TMEM201: variants seen among roughly 807,000 people sequenced by gnomAD.
The protein encoded by TMEM201 is RP13-15M17.2.
A neutral mutation model predicts 63.4 loss-of-function variants in TMEM201; 26 were observed. The observed-to-expected ratio is 0.41, with a 90% CI of 0.30 to 0.57. The LOEUF is 0.57. Among genes scored for constraint, TMEM201 ranks in the 20% least tolerant of loss-of-function variants. The pLI is 0.29. For synonymous variants in TMEM201, 417 were observed against 421.6 expected (o/e 0.99, Z 0.14); for missense variants, 794 against 917.7 (o/e 0.87, Z 1.74).
chr1:9,591,314 A>G (rs1643915104), intron 1 of TMEM201, among the ~76,000 whole-genome samples: 1 of 152,196 alleles, frequency 6.6e-6, no homozygotes, highest in South Asian at 2.1e-4. Context: ...GCCCCACATC[A>G]CCCGGCTGTT....
At position 9,602,173 on chromosome 1, in the gene TMEM201, C is replaced by A. The variant is rs1393557414; in HGVS notation, c.1061C>A (p.Thr354Lys). The A allele has an allele frequency of 6.2e-7, 1 of 1,613,210 alleles. No individual in the cohort carries two copies. Among genetic ancestry groups the A allele is most frequent in the South Asian group, 1.1e-5 (1 of 91,088 alleles). ...GCCGCCTCGCCTAGCTGGCTAGACA[C>A]GCTCAAGTTCAGCACCACATCTTTG... is the stretch of plus-strand genomic sequence containing the variant. ...LQAASPSWLD[T>K]LKFSTTSLCC... The change falls in exon 6 of 11, where the codon ACG becomes AAG. Residue 354 changes from threonine to lysine, a missense_variant. Physicochemically the swap from Thr to Lys is moderately conservative, Grantham distance 78 (BLOSUM62 -1). Coordinates refer to ENST00000340381, the MANE Select transcript of TMEM201 (RefSeq NM_001130924.3).
chr1:9,597,605 A>C (rs1018943004), intron 3 of TMEM201, among the ~76,000 whole-genome samples: 19 of 152,184 alleles, frequency 1.2e-4, no homozygotes, highest in African/African-American at 4.3e-4. Context: ...CATGGAGTCC[A>C]AGAGCCTTGC....
At position 9,610,119 on chromosome 1, in the gene TMEM201, C is replaced by T. The variant is rs147092197; in HGVS notation, c.1465+208C>T. On this transcript the variant is annotated intron_variant, in intron 8 of 10. Transcript: ENST00000340381. The surrounding 1 kb of genome is among the most constrained non-coding windows in gnomAD (Gnocchi z 4.9). ...GTCTCTAGGATCAGATGGTACCATG[C>T]TGCTCTGCCGTCCTCAGTGGCAGTC... Among the ~76,000 whole-genome samples, 624 of 152,310 alleles carry T rather than the reference C, an allele frequency of 4.1e-3. 3 individuals carry two copies. The highest frequency in any genetic ancestry group is 0.011 in the South Asian group (52 of 4,824).
At chr1:9,591,620 C>T (rs768331641) in intron 1 of TMEM201, among the ~76,000 whole-genome samples, 52 of 152,272 alleles carry the variant, frequency 3.4e-4, no homozygotes, top group Non-Finnish European at 5.9e-4. Flanking sequence ...CACACCACCG[C>T]CCCGCCTCCG....
At position 9,589,040 on chromosome 1, in the gene TMEM201, G is replaced by A. The variant is rs1173857836; in HGVS notation, c.110G>A (p.Arg37Gln). 3.6e-6 allele frequency: 4 copies of A among 1,123,954 alleles called. No individual in the cohort carries two copies. Among genetic ancestry groups the A allele is most frequent in the African/African-American group, 1.7e-5 (1 of 58,888 alleles). The allele number at this position is 1,123,954 out of a possible 1,614,324, so 69.6% of individuals were successfully genotyped here. A position where few individuals can be genotyped will look rare whatever the true frequency, so the allele number is the denominator to read the frequency against. Residue 37 changes from arginine (R) to glutamine (Q), a missense_variant, in exon 1 of 11, where the codon CGG becomes CAG. Physicochemically the swap from Arg to Gln is conservative, Grantham distance 43. Transcript: ENST00000340381. ...GGCGTGTTGCTCTACCGGATCGCGCGGAGGTGAGTGCATGGTTCGGCCCCA... is the reference window on the plus strand; with the variant it reads ...GGCGTGTTGCTCTACCGGATCGCGCAGAGGTGAGTGCATGGTTCGGCCCCA... ...AAGVLLYRIA[R>Q]RMKPTHTMVN...
In TMEM201 at chr1:9,603,311, G is replaced by A. The variant is rs1295225292; in HGVS notation, c.1160+1039G>A. 3 of 984,822 alleles carry A rather than the reference G, an allele frequency of 3.0e-6. No individual in the cohort carries two copies. Among genetic ancestry groups the A allele is most frequent in the Middle Eastern group, 1.0e-3 (2 of 1,936 alleles). The allele number at this position is 984,822 out of a possible 1,614,324, so 61.0% of individuals were successfully genotyped here. Reference sequence around the variant, plus strand: ...GGTGGACCCCTCTCCATAGCCCTTGGGTGCCAGCTCAGTGGGTGTGGGGAT... The same window carrying A: ...GGTGGACCCCTCTCCATAGCCCTTGAGTGCCAGCTCAGTGGGTGTGGGGAT... On this transcript the variant is annotated intron_variant, in intron 6 of 10. Transcript: ENST00000340381. This position sits in a 1 kb window ranked among gnomAD's most constrained non-coding sequence, Gnocchi z 4.5.
intron 6 of TMEM201, 190 bp downstream of exon 6, chr1:9,602,462 T>C (rs1015515644): frequency 4.8e-5 from 69 of 1,436,960 alleles, no homozygotes; most frequent in Non-Finnish European, 6.2e-5. Context: ...GCCCTGCCTT[T>C]TCCTTTCGGG....
intron 10 of TMEM201, 70 bp downstream of exon 10, chr1:9,611,960 G>T (rs1644330680): frequency 2.1e-6 from 3 of 1,450,600 alleles, no homozygotes; most frequent in African/African-American, 2.9e-5. Flanking sequence ...CCCCAGGGGG[G>T]TCCAGAGCAC....
At chr1:9,596,737 A>AG (rs1224325553) in intron 2 of TMEM201, 122 bp from the exon 3 acceptor site, 1 of 1,009,438 alleles carries the variant, frequency 9.9e-7, no homozygotes, top group Non-Finnish European at 1.4e-6. Flanking sequence ...AAGAAAAAAA[A>AG]GAATGGAGAT....
intron 10 of TMEM201, 80 bp downstream of exon 10, chr1:9,611,970 C>T: frequency 7.0e-7 from 1 of 1,428,942 alleles, no homozygotes; most frequent in Non-Finnish European, 9.2e-7. Context: ...GTCCAGAGCA[C>T]TGACAGAAAG....
chr1:9,604,829 TGTC>T lies in TMEM201; in HGVS notation c.1160+2560_1160+2562del. On this transcript the variant is annotated intron_variant, in intron 6 of 10. Coordinates refer to ENST00000340381, the MANE Select transcript of TMEM201 (RefSeq NM_001130924.3). The surrounding 1 kb of genome is among the most constrained non-coding windows in gnomAD (Gnocchi z 4.1). ...TGACTGTTGCTGAGTCTCTGTCTCA[TGTC>T]GTAGAATTGTGGATAATTGTCTAGT... 2.0e-6 allele frequency: 2 copies of T among 985,984 alleles called. No individual in the cohort carries two copies. The highest frequency in any genetic ancestry group is 9.4e-5 in the South Asian group (2 of 21,296). The allele number at this position is 985,984 out of a possible 1,614,324, so 61.1% of individuals were successfully genotyped here. A position where few individuals can be genotyped will look rare whatever the true frequency, so the allele number is the denominator to read the frequency against.
chr1:9,599,130 G>A (rs577962815), intron 4 of TMEM201, among the ~76,000 whole-genome samples: 1 of 151,584 alleles, frequency 6.6e-6, no homozygotes, highest in East Asian at 1.9e-4. Context: ...TGTAGAGGTG[G>A]GGTTTCACCA....
Position 9,604,043 on chromosome 1 carries a change from A to AC in TMEM201, c.1160+1777dup, listed in dbSNP as rs1644198445. 1 of 985,186 alleles carries AC rather than the reference A, an allele frequency of 1.0e-6. No homozygotes were observed. Among genetic ancestry groups the AC allele is most frequent in the South Asian group, 4.7e-5 (1 of 21,262 alleles). 61.0% of individuals were successfully genotyped at this position (985,186 alleles called of 1,614,324 possible). ...AACCGCCTGCCTGTGCACTCACGCC[A>AC]CCCCCCAGCCCACAAAGAGCCCATC... On this transcript the variant is annotated intron_variant, in intron 6 of 10. Transcript: ENST00000340381. The surrounding 1 kb of genome is among the most constrained non-coding windows in gnomAD (Gnocchi z 4.1).
At position 9,607,463 on chromosome 1, in the gene TMEM201, T is replaced by C; in HGVS notation, c.1161-94T>C. The C allele has an allele frequency of 2.1e-6, 2 of 971,590 alleles. No homozygotes were observed. The highest frequency in any genetic ancestry group is 3.0e-6 in the Non-Finnish European group (2 of 661,044). The allele number at this position is 971,590 out of a possible 1,614,324, so 60.2% of individuals were successfully genotyped here. A position where few individuals can be genotyped will look rare whatever the true frequency, so the allele number is the denominator to read the frequency against. Reference sequence around the variant, plus strand: ...GGGACCCCAGCTGAGGCCCCCACCTTGCACTGTGGGAGAGGGGTGGGACCC... The same window carrying C: ...GGGACCCCAGCTGAGGCCCCCACCTCGCACTGTGGGAGAGGGGTGGGACCC... On this transcript the variant is annotated intron_variant, in intron 6 of 10. Transcript: ENST00000340381. This position sits in a 1 kb window ranked among gnomAD's most constrained non-coding sequence, Gnocchi z 5.4.
Position 9,607,446 on chromosome 1 carries a change from AG to A in TMEM201, c.1161-110del. On this transcript the variant is annotated intron_variant, in intron 6 of 10. Transcript: ENST00000340381. This position sits in a 1 kb window ranked among gnomAD's most constrained non-coding sequence, Gnocchi z 5.4. ...TAACGCACGCCTCCTCTGGGACCCCAGCTGAGGCCCCCACCTTGCACTGTGG... is the reference window on the plus strand; with the variant it reads ...TAACGCACGCCTCCTCTGGGACCCCACTGAGGCCCCCACCTTGCACTGTGG... 1.3e-6 allele frequency: 1 copy of A among 797,636 alleles called. No individual in the cohort carries two copies. The highest frequency in any genetic ancestry group is 1.9e-6 in the Non-Finnish European group (1 of 514,558). The allele number at this position is 797,636 out of a possible 1,614,324, so 49.4% of individuals were successfully genotyped here.
In TMEM201 at chr1:9,613,162, A is replaced by AG. The variant is rs544805777; in HGVS notation, c.*83dup. On this transcript the variant is annotated 3_prime_UTR_variant, in exon 11 of 11. Coordinates refer to ENST00000340381, the MANE Select transcript of TMEM201 (RefSeq NM_001130924.3). ...CTGCCGGCCTCAGGACCCTCCCTGG[A>AG]GGGGCTGCCACCTCTGCCCTCATCT... The AG allele has an allele frequency of 5.0e-6, 7 of 1,398,026 alleles. No individual in the cohort carries two copies. The South Asian group carries it at 8.6e-5, about 17-fold the overall frequency. The allele number at this position is 1,398,026 out of a possible 1,614,324, so 86.6% of individuals were successfully genotyped here. A position where few individuals can be genotyped will look rare whatever the true frequency, so the allele number is the denominator to read the frequency against.
chr1:9,612,029 C>T (rs899409741), intron 10 of TMEM201, 139 bp downstream of exon 10: 16 of 1,036,088 alleles, frequency 1.5e-5, no homozygotes, highest in Admixed American at 8.9e-5. Context: ...GTAACCCACC[C>T]GGCGCCTCTG....
chr1:9,604,365 A>G lies in TMEM201; in HGVS notation c.1160+2093A>G. 2 of 985,418 alleles carry G rather than the reference A, an allele frequency of 2.0e-6. No individual in the cohort carries two copies. The highest frequency in any genetic ancestry group is 2.4e-6 in the Non-Finnish European group (2 of 829,940). 61.0% of individuals were successfully genotyped at this position (985,418 alleles called of 1,614,324 possible). On this transcript the variant is annotated intron_variant, in intron 6 of 10. Coordinates refer to ENST00000340381, the MANE Select transcript of TMEM201 (RefSeq NM_001130924.3). This position sits in a 1 kb window ranked among gnomAD's most constrained non-coding sequence, Gnocchi z 4.1. ...CATCTCAGGAGGTAGCTCTCAGCAGAGTGAGGATTCCTGCCTTTCGTAGAG... is the reference window on the plus strand; with the variant it reads ...CATCTCAGGAGGTAGCTCTCAGCAGGGTGAGGATTCCTGCCTTTCGTAGAG...
At position 9,603,507 on chromosome 1, in the gene TMEM201, C is replaced by G; in HGVS notation, c.1160+1235C>G. 2.0e-6 allele frequency: 2 copies of G among 985,546 alleles called. No homozygotes were observed. The highest frequency in any genetic ancestry group is 2.4e-6 in the Non-Finnish European group (2 of 830,008). 61.1% of individuals were successfully genotyped at this position (985,546 alleles called of 1,614,324 possible). On this transcript the variant is annotated intron_variant, in intron 6 of 10. Transcript: ENST00000340381. The surrounding 1 kb of genome is among the most constrained non-coding windows in gnomAD (Gnocchi z 4.5). ...CCCACTCCCTCAGGGCCCACATGTC[C>G]TGCCACTCGCCACTCTGAGCACGAG...
Sources: gnomAD v4.1 joint callset for allele counts (sites outside exome capture counted in the v4.1 genomes callset) on GRCh38, gnomAD v4.1.1 for gene constraint, Gnocchi (gnomAD v3.1) non-coding constraint, MANE v1.5 for transcripts, NCBI Gene and HGNC (gene_info 2026-07-23, HGNC 2026-07-21) for gene names.